The following TIAM1 variants were observed in gnomAD, a reference collection of about 807,000 sequenced individuals.
The protein encoded by TIAM1 is TIAM Rac1 associated GEF 1, also known as rho guanine nucleotide exchange factor TIAM1.
Under a neutral mutation model 163.5 loss-of-function variants are expected in TIAM1, and 65 were observed. The ratio of observed to expected loss-of-function variants is 0.40; its 90% CI spans 0.33 to 0.49. The LOEUF (loss-of-function observed/expected upper bound fraction) is 0.49. Among genes scored for constraint, TIAM1 ranks in the 20% least tolerant of loss-of-function variants. TIAM1 has a pLI of 0.77. For synonymous variants in TIAM1, 833 were observed against 810.1 expected (o/e 1.03, Z -0.48); for missense variants, 1,789 against 2,044.7 (o/e 0.87, Z 2.41).
At chr21:31,126,198 T>C (rs2082189660) in intron 26 of TIAM1, among the ~76,000 whole-genome samples, 1 of 152,158 alleles carries the variant, frequency 6.6e-6, no homozygotes, top group Non-Finnish European at 1.5e-5. Flanking sequence ...TTGTCTTTTG[T>C]AGGTAATCCA....
intron 1 of TIAM1, among the ~76,000 whole-genome samples, chr21:31,527,646 G>T (rs546158149): frequency 6.0e-4 from 92 of 152,100 alleles, no homozygotes; most frequent in African/African-American, 1.8e-3. Flanking sequence ...CCAGAGGGAA[G>T]GGATGGAGCT....
chr21:31,151,331 G>A (rs66726611), intron 19 of TIAM1, among the ~76,000 whole-genome samples: 19,828 of 152,198 alleles, frequency 0.13, 1,692 homozygotes, highest in African/African-American at 0.24. Flanking sequence ...CAAGAAAGGT[G>A]AATGGATAAC....
At chr21:31,136,079 G>T (rs773819583) in intron 22 of TIAM1, 38 bp from the exon 23 acceptor site, 3 of 1,536,244 alleles carry the variant, frequency 2.0e-6, no homozygotes. Context: ...ACTGGGTGGT[G>T]TTATCAATAC....
chr21:31,480,449 T>C (rs530814236), intron 1 of TIAM1, among the ~76,000 whole-genome samples: 1 of 152,334 alleles, frequency 6.6e-6, no homozygotes, highest in African/African-American at 2.4e-5. Flanking sequence ...TATTGCCTAA[T>C]ACACTAAAGT....
chr21:31,546,958 T>TC (rs142794132), intron 1 of TIAM1, among the ~76,000 whole-genome samples: 1 of 151,030 alleles, frequency 6.6e-6, no homozygotes, highest in Non-Finnish European at 1.5e-5. Flanking sequence ...CCCAAAATAG[T>TC]GGGGGGGGGC....
intron 2 of TIAM1, among the ~76,000 whole-genome samples, chr21:31,389,819 TA>T (rs1569289405): frequency 1.3e-5 from 2 of 152,222 alleles, no homozygotes; most frequent in African/African-American, 4.8e-5. Context: ...TTTTTCTATA[TA>T]AATCAATTCC....
chr21:31,394,061 T>C (rs140336312), intron 2 of TIAM1, among the ~76,000 whole-genome samples: 2 of 152,358 alleles, frequency 1.3e-5, no homozygotes, highest in East Asian at 1.9e-4. Flanking sequence ...TGAATGCTTA[T>C]AGCAATTTTA....
At chr21:31,186,109 G>C (rs2085291358) in intron 14 of TIAM1, among the ~76,000 whole-genome samples, 1 of 152,146 alleles carries the variant, frequency 6.6e-6, no homozygotes, top group South Asian at 2.1e-4. Flanking sequence ...GACTTTCCAG[G>C]GGTAGAAAAA....
intron 1 of TIAM1, among the ~76,000 whole-genome samples, chr21:31,491,484 C>T (rs1029139062): frequency 2.0e-5 from 3 of 152,166 alleles, no homozygotes; most frequent in Non-Finnish European, 4.4e-5. Flanking sequence ...CAGAGAAGAA[C>T]GGAGAGGACA....
intron 1 of TIAM1, among the ~76,000 whole-genome samples, chr21:31,517,040 C>A (rs2047405114): frequency 7.3e-6 from 1 of 137,024 alleles, no homozygotes; most frequent in African/African-American, 2.8e-5. Context: ...CAGAGCAAGA[C>A]TCTGTCTCAA....
chr21:31,146,142 T>C (rs912659188), intron 20 of TIAM1, among the ~76,000 whole-genome samples: 10 of 152,064 alleles, frequency 6.6e-5, no homozygotes, highest in African/African-American at 2.4e-4. Flanking sequence ...TACAAGAAAA[T>C]TGACAAAACC....
Position 31,141,064 on chromosome 21 carries a change from C to T in TIAM1, c.3774+54G>A, listed in dbSNP as rs1348813047. ...TAAAAAATAAATAAATAAATAAAAG[C>T]AAACTCAAACTCGGCTTTCCTGACA... On this transcript the variant is annotated intron_variant, in intron 22 of 27. Coordinates refer to ENST00000541036, the MANE Select transcript of TIAM1 (RefSeq NM_001353694.2). This position sits in a 1 kb window ranked among gnomAD's most constrained non-coding sequence, Gnocchi z 4.7. 3 of 1,367,992 alleles carry T rather than the reference C, an allele frequency of 2.2e-6. No homozygotes were observed. Among genetic ancestry groups the T allele is most frequent in the Non-Finnish European group, 3.0e-6 (3 of 992,156 alleles). 84.7% of individuals were successfully genotyped at this position (1,367,992 alleles called of 1,614,324 possible). A position where few individuals can be genotyped will look rare whatever the true frequency, so the allele number is the denominator to read the frequency against.
At position 31,126,216 on chromosome 21, in the gene TIAM1, T is replaced by A. The variant is rs1377996268; in HGVS notation, c.4133+849A>T. The stretch of plus-strand genomic sequence containing the variant: ...TCTTTTGTAGGTAATCCATAGTATA[T>A]TAGTACTCACTGTGTGAGGTACTGG... On this transcript the variant is annotated intron_variant, in intron 26 of 27. Transcript: ENST00000541036. Among the ~76,000 whole-genome samples the A allele has an allele frequency of 2.0e-5, 3 of 152,282 alleles. 1 individual carries two copies. The South Asian group carries it at 6.2e-4, about 32-fold the overall frequency.
At chr21:31,232,734 T>C (rs983777539) in intron 6 of TIAM1, among the ~76,000 whole-genome samples, 1 of 152,154 alleles carries the variant, frequency 6.6e-6, no homozygotes, top group African/African-American at 2.4e-5. Context: ...ATCAGATTCA[T>C]GATGGGTCCC....
chr21:31,479,055 G>A (rs1383702834), intron 1 of TIAM1, among the ~76,000 whole-genome samples: 1 of 152,142 alleles, frequency 6.6e-6, no homozygotes, highest in Non-Finnish European at 1.5e-5. Flanking sequence ...GAGCCTGGTG[G>A]GAACAAGCAA....
intron 6 of TIAM1, among the ~76,000 whole-genome samples, chr21:31,233,565 T>C (rs185953560): frequency 6.6e-6 from 1 of 152,158 alleles, no homozygotes; most frequent in East Asian, 1.9e-4. Context: ...ATTAGCCAGG[T>C]GTGGTGGTGC....
intron 26 of TIAM1, 38 bp from the exon 27 acceptor site, chr21:31,124,732 G>A: frequency 1.3e-6 from 2 of 1,504,236 alleles, no homozygotes; most frequent in Non-Finnish European, 1.8e-6. Flanking sequence ...GAGAATCAGG[G>A]CTTAACACAT....
chr21:31,534,261 C>T (rs946926021), intron 1 of TIAM1, among the ~76,000 whole-genome samples: 2 of 152,210 alleles, frequency 1.3e-5, no homozygotes, highest in African/African-American at 4.8e-5. Flanking sequence ...GATCTCCATG[C>T]CTTATTAAAA....
intron 2 of TIAM1, among the ~76,000 whole-genome samples, chr21:31,441,705 G>A (rs2044422976): frequency 6.6e-6 from 1 of 151,982 alleles, no homozygotes; most frequent in African/African-American, 2.4e-5. Context: ...AAGATCTGGA[G>A]GTCACTGAAG....
Sources: allele counts gnomAD v4.1 joint callset (sites outside exome capture counted in the v4.1 genomes callset), GRCh38; gene constraint gnomAD v4.1.1; non-coding constraint Gnocchi (gnomAD v3.1); transcripts MANE v1.5; gene names NCBI Gene and HGNC (gene_info 2026-07-23, HGNC 2026-07-21).